The following VCL variants were observed in gnomAD, a reference collection of about 807,000 sequenced individuals.
The protein encoded by VCL is epididymis luminal protein 114.
In VCL, 47 loss-of-function variants were observed where a neutral mutation model predicts 125.7. That is an observed-to-expected ratio of 0.37 (90% CI 0.30 to 0.48). The LOEUF is 0.48. VCL is among the 20% of genes least tolerant of loss of function. The pLI is 0.99. For missense variants in VCL, 1,069 were observed against 1,455.5 expected (o/e 0.73, Z 4.32); for synonymous variants, 458 against 514.6 (o/e 0.89, Z 1.49).
At chr10:74,029,424 G>C (rs574270024) in intron 1 of VCL, among the ~76,000 whole-genome samples, 1 of 152,216 alleles carries the variant, frequency 6.6e-6, no homozygotes, top group East Asian at 1.9e-4. Context: ...GAAGAATCTT[G>C]AGTTGAGGGG....
chr10:74,054,087 G>GTTTTA (rs1841354785), intron 2 of VCL, among the ~76,000 whole-genome samples: 2 of 151,972 alleles, frequency 1.3e-5, no homozygotes, highest in African/African-American at 4.8e-5. Flanking sequence ...GTTTTTATGT[G>GTTTTA]TGCTTGAAAA....
intron 1 of VCL, among the ~76,000 whole-genome samples, chr10:74,000,721 G>T (rs1196041139): frequency 2.0e-5 from 3 of 152,098 alleles, no homozygotes; most frequent in Non-Finnish European, 4.4e-5. Flanking sequence ...CCAGGCCTTC[G>T]TATTTTTTAG....
chr10:74,014,975 C>T (rs1196770398), intron 1 of VCL, among the ~76,000 whole-genome samples: 4 of 152,194 alleles, frequency 2.6e-5, no homozygotes, highest in Admixed American at 1.3e-4. Flanking sequence ...AGGTGTGTCA[C>T]CATGCCCAGC....
chr10:74,022,685 G>A (rs546561221), intron 1 of VCL, among the ~76,000 whole-genome samples: 52 of 149,962 alleles, frequency 3.5e-4, no homozygotes, highest in African/African-American at 1.0e-3. Context: ...TGCCCAGGCT[G>A]GAGTGCAATG....
At chr10:74,120,310 A>C (rs1840396721), downstream of VCL, 1 of 152,250 alleles carries the variant, frequency 6.6e-6, no homozygotes, top group African/African-American at 2.4e-5. Context: ...GAAGAAATCA[A>C]CAGTGGTATA....
At chr10:74,011,919 T>C (rs1388964565) in intron 1 of VCL, among the ~76,000 whole-genome samples, 1 of 152,228 alleles carries the variant, frequency 6.6e-6, no homozygotes, top group Non-Finnish European at 1.5e-5. Context: ...ATAGAGTCTT[T>C]GGCCCTTAGA....
In VCL at chr10:74,105,286, A is replaced by G. The variant is rs758380381; in HGVS notation, c.2367A>G (p.Glu789=). The change falls in exon 16 of 22, where the codon GAA becomes GAG. Residue 789 remains glutamate (E), a synonymous_variant. Coordinates refer to ENST00000211998, the MANE Select transcript of VCL (RefSeq NM_014000.3). ...FREAVKAASD[E]LSKTISPMVM... ...AGGCTGTGAAAGCTGCCTCTGATGAATTGAGCAAAACCATCTCCCCGATGG... is the reference window on the plus strand; with the variant it reads ...AGGCTGTGAAAGCTGCCTCTGATGAGTTGAGCAAAACCATCTCCCCGATGG... The G allele has an allele frequency of 6.2e-7, 1 of 1,613,692 alleles. No individual in the cohort carries two copies. The highest frequency in any genetic ancestry group is 1.1e-5 in the South Asian group (1 of 91,058).
chr10:74,107,880 A>G (rs533097047), intron 17 of VCL, among the ~76,000 whole-genome samples: 1 of 152,266 alleles, frequency 6.6e-6, no homozygotes, highest in East Asian at 1.9e-4. Context: ...AGTACTGTGA[A>G]TATATTTTTA....
downstream of VCL, chr10:74,120,916 T>C (rs1840431838): frequency 6.6e-6 from 1 of 152,228 alleles, no homozygotes; most frequent in African/African-American, 2.4e-5. Flanking sequence ...TTTGGGGACA[T>C]AGTCCTCTTC....
chr10:74,073,004 G>A (rs373306306), intron 5 of VCL, 152 bp downstream of exon 5: 3 of 1,161,916 alleles, frequency 2.6e-6, no homozygotes, highest in Admixed American at 2.3e-5. Flanking sequence ...GCAGTGGTGC[G>A]ATCTCGGCTC....
At chr10:74,085,157 T>C (rs1839750249) in intron 8 of VCL, among the ~76,000 whole-genome samples, 2 of 152,194 alleles carry the variant, frequency 1.3e-5, no homozygotes, top group African/African-American at 4.8e-5. Flanking sequence ...CTCTCAAAAG[T>C]GTTGAGATTA....
intron 1 of VCL, among the ~76,000 whole-genome samples, chr10:74,036,492 G>A (rs564750310): frequency 2.0e-5 from 3 of 152,040 alleles, no homozygotes; most frequent in Admixed American, 6.5e-5. Flanking sequence ...GTGAGCCACC[G>A]TGCCCAGCCA....
At chr10:74,114,039 C>G in intron 19 of VCL, 145 bp from the exon 20 acceptor site, 1 of 881,118 alleles carries the variant, frequency 1.1e-6, no homozygotes, top group Non-Finnish European at 1.8e-6. Flanking sequence ...CCGTATCACT[C>G]AAGAACGGCC....
intron 1 of VCL, among the ~76,000 whole-genome samples, chr10:74,018,555 C>G (rs1840603510): frequency 6.6e-6 from 1 of 152,070 alleles, no homozygotes; most frequent in Non-Finnish European, 1.5e-5. Flanking sequence ...ATGGGAATAC[C>G]TTCTGTGCAG....
At position 74,100,996 on chromosome 10, in the gene VCL, G is replaced by A. The variant is rs765123545; in HGVS notation, c.1921G>A (p.Gly641Ser). The A allele has an allele frequency of 3.1e-6, 5 of 1,614,048 alleles. No individual in the cohort carries two copies. The highest frequency in any genetic ancestry group is 1.1e-5 in the South Asian group (1 of 91,074). The change falls in exon 14 of 22, where the codon GGT (glycine) becomes AGT (serine). Residue 641 changes from glycine to serine, a missense_variant. By Grantham distance (56) the Gly-to-Ser change is moderately conservative. Transcript: ENST00000211998. ...ANFENHSGKLGATAEKAAAVG... is the reference protein window; with the variant it reads ...ANFENHSGKLSATAEKAAAVG... The stretch of plus-strand genomic sequence containing the variant: ...CTTTGAAAACCATTCAGGAAAGCTT[G>A]GTGCTACGGCCGAGAAGGCGGCTGC...
In VCL at chr10:74,071,201, G is replaced by T. The variant is rs1841658869; in HGVS notation, c.499+118G>T. On this transcript the variant is annotated intron_variant, in intron 4 of 21. Transcript: ENST00000211998. The surrounding 1 kb of genome is among the most constrained non-coding windows in gnomAD (Gnocchi z 4.1). ...TAGGTGAAGATGCATTGGGCTTTCAGGTGTCTGCTCTGTTGATGGAGATGA... is the reference window on the plus strand; with the variant it reads ...TAGGTGAAGATGCATTGGGCTTTCATGTGTCTGCTCTGTTGATGGAGATGA... 3.4e-6 allele frequency: 3 copies of T among 883,674 alleles called. No homozygotes were observed. The Admixed American group carries it at 5.9e-5, about 17-fold the overall frequency. The allele number at this position is 883,674 out of a possible 1,614,324, so 54.7% of individuals were successfully genotyped here.
In VCL at chr10:74,118,553, T is replaced by C. The variant is rs548234725; in HGVS notation, c.*384T>C. On this transcript the variant is annotated 3_prime_UTR_variant, in exon 22 of 22. Transcript: ENST00000211998. ...TTCTCTTTCCTTGGCTCCCATTCACTCTTCCAGAATCCCAAGACCCAGGGC... is the reference window on the plus strand; with the variant it reads ...TTCTCTTTCCTTGGCTCCCATTCACCCTTCCAGAATCCCAAGACCCAGGGC... 6.2e-5 allele frequency: 19 copies of C among 305,604 alleles called. No individual in the cohort carries two copies. The highest frequency in any genetic ancestry group is 1.0e-4 in the Non-Finnish European group (16 of 155,472). 18.9% of individuals were successfully genotyped at this position (305,604 alleles called of 1,614,324 possible).
chr10:74,090,837 A>G (rs1487451219), intron 10 of VCL, among the ~76,000 whole-genome samples: 1 of 150,644 alleles, frequency 6.6e-6, no homozygotes, highest in Admixed American at 6.6e-5. Flanking sequence ...GTCTCACTCT[A>G]CCACCCACGC....
At chr10:73,999,726 C>T (rs889061884) in intron 1 of VCL, among the ~76,000 whole-genome samples, 3 of 152,104 alleles carry the variant, frequency 2.0e-5, no homozygotes, top group Non-Finnish European at 4.4e-5. Flanking sequence ...AGACTGGTAG[C>T]TAGGAAGACA....
Sources: gnomAD v4.1 joint callset for allele counts (sites outside exome capture counted in the v4.1 genomes callset) on GRCh38, gnomAD v4.1.1 for gene constraint, Gnocchi (gnomAD v3.1) non-coding constraint, MANE v1.5 for transcripts, NCBI Gene and HGNC (gene_info 2026-07-23, HGNC 2026-07-21) for gene names.